Variants in ATRNL1 observed in about 807,000 individuals in gnomAD.
ATRNL1 encodes the protein attractin-like protein 1.
In ATRNL1, 95 loss-of-function variants were observed where a neutral mutation model predicts 182.7. That is an observed-to-expected ratio of 0.52 (90% CI 0.44 to 0.62). The LOEUF (loss-of-function observed/expected upper bound fraction) is 0.62, where lower values mean the gene tolerates loss of function less well. Among genes scored for constraint, ATRNL1 ranks in the 20% least tolerant of loss-of-function variants. ATRNL1 has a pLI of 0.00. For synonymous variants in ATRNL1, 576 were observed against 568.3 expected, an observed-to-expected ratio of 1.01 and a Z score of -0.19; for missense variants, 1,471 against 1,679.5, an observed-to-expected ratio of 0.88 and a Z score of 2.17.
chr10:115,275,353 G>A (rs1852057416), intron 13 of ATRNL1, among the ~76,000 whole-genome samples: 1 of 152,262 alleles, frequency 6.6e-6, no homozygotes, highest in Non-Finnish European at 1.5e-5. Context: ...TGGAATTAAT[G>A]TCAGTTTAGA....
chr10:115,558,452 C>T (rs1197223094), intron 26 of ATRNL1, among the ~76,000 whole-genome samples: 2 of 152,148 alleles, frequency 1.3e-5, no homozygotes, highest in African/African-American at 4.8e-5. Context: ...AGGGATGGTC[C>T]CTGCTCGGCC....
chr10:115,516,609 A>G (rs1850652260), intron 24 of ATRNL1, among the ~76,000 whole-genome samples: 1 of 151,838 alleles, frequency 6.6e-6, no homozygotes. Context: ...CTTATAATAT[A>G]TTCCGAACTC....
intron 21 of ATRNL1, among the ~76,000 whole-genome samples, chr10:115,446,943 A>G (rs1229037850): frequency 1.3e-5 from 2 of 151,976 alleles, no homozygotes; most frequent in African/African-American, 2.4e-5. Context: ...AAGCAGATAC[A>G]TATATCATTT....
At chr10:115,498,003 A>T (rs113899383) in intron 24 of ATRNL1, among the ~76,000 whole-genome samples, 4,959 of 152,256 alleles carry the variant, frequency 0.033, 208 homozygotes, top group East Asian at 0.14. Context: ...TCTATGAGTG[A>T]GTGAAAACTC....
chr10:115,536,320 C>T (rs1475230652), intron 25 of ATRNL1, among the ~76,000 whole-genome samples: 8 of 152,152 alleles, frequency 5.3e-5, no homozygotes, highest in South Asian at 2.1e-4. Context: ...CAATGGCGGG[C>T]GCCCCTCCCC....
At chr10:115,813,935 A>T (rs1950106361) in intron 27 of ATRNL1, among the ~76,000 whole-genome samples, 1 of 152,190 alleles carries the variant, frequency 6.6e-6, no homozygotes, top group African/African-American at 2.4e-5. Flanking sequence ...ACAACCAAGT[A>T]CACTCTGAAA....
intron 28 of ATRNL1, among the ~76,000 whole-genome samples, chr10:115,939,828 C>T (rs1953672084): frequency 6.6e-6 from 1 of 152,146 alleles, no homozygotes; most frequent in African/African-American, 2.4e-5. Context: ...AGTGCGGGAT[C>T]ATCCCCAGAA....
intron 26 of ATRNL1, among the ~76,000 whole-genome samples, chr10:115,649,803 G>A (rs1411838022): frequency 6.6e-6 from 1 of 152,110 alleles, no homozygotes; most frequent in African/African-American, 2.4e-5. Context: ...TTTAAAATTT[G>A]TGCAGATTAA....
At chr10:115,622,531 G>A (rs1857834419) in intron 26 of ATRNL1, among the ~76,000 whole-genome samples, 2 of 152,118 alleles carry the variant, frequency 1.3e-5, no homozygotes, top group South Asian at 4.1e-4. Context: ...ATGTTTTGTT[G>A]GGGTTTGATG....
chr10:115,151,550 C>G (rs1410357581), intron 5 of ATRNL1, among the ~76,000 whole-genome samples: 1 of 152,172 alleles, frequency 6.6e-6, no homozygotes, highest in African/African-American at 2.4e-5. Flanking sequence ...ATATCCTTCG[C>G]CCACTTTTTG....
chr10:115,737,280 C>CCA (rs1555066202), intron 27 of ATRNL1, among the ~76,000 whole-genome samples: 32 of 147,882 alleles, frequency 2.2e-4, no homozygotes, highest in African/African-American at 7.8e-4. Context: ...CCCCCCCCCC[C>CCA]AAAAAAAAAG....
Position 115,671,115 on chromosome 10 carries a change from G to A in ATRNL1, c.3796-56133G>A, listed in dbSNP as rs540818564. On this transcript the variant is annotated intron_variant, in intron 26 of 28. Transcript: ENST00000355044. ...AGCCAAGTGTCAGAAGGACTGTGTG[G>A]TCGTGAAACACAGGCTGCATTTGGC... Among the ~76,000 whole-genome samples, 4 of 152,230 alleles carry A rather than the reference G, an allele frequency of 2.6e-5. No homozygotes were observed. The South Asian group carries it at 6.2e-4, about 24-fold the overall frequency.
At chr10:115,641,734 G>A (rs958438855) in intron 26 of ATRNL1, among the ~76,000 whole-genome samples, 7 of 151,940 alleles carry the variant, frequency 4.6e-5, no homozygotes, top group African/African-American at 1.7e-4. Context: ...ACTGTAAGAT[G>A]AGCTAATGCA....
intron 27 of ATRNL1, among the ~76,000 whole-genome samples, chr10:115,785,804 A>G (rs1263858201): frequency 6.6e-6 from 1 of 152,178 alleles, no homozygotes; most frequent in Middle Eastern, 3.2e-3. Flanking sequence ...AAGCAGTAAG[A>G]AGAAAGCAGG....
At chr10:115,168,926 T>G (rs1554884901) in intron 7 of ATRNL1, among the ~76,000 whole-genome samples, 1 of 151,812 alleles carries the variant, frequency 6.6e-6, no homozygotes, top group African/African-American at 2.4e-5. Flanking sequence ...TTTTTTTCTT[T>G]TAAGAGTTTT....
At chr10:115,569,657 ATTGTTAATCT>A (rs1854275199) in intron 26 of ATRNL1, among the ~76,000 whole-genome samples, 1 of 152,044 alleles carries the variant, frequency 6.6e-6, no homozygotes, top group African/African-American at 2.4e-5. Context: ...TTTCAATTAG[ATTGTTAATCT>A]TTTTATTCTT....
At chr10:115,740,976 G>A (rs547959655) in intron 27 of ATRNL1, among the ~76,000 whole-genome samples, 8 of 152,084 alleles carry the variant, frequency 5.3e-5, no homozygotes, top group African/African-American at 1.9e-4. Flanking sequence ...GAAAATAAAA[G>A]TAATAACAGC....
At chr10:115,903,839 A>G (rs1252679675) in intron 28 of ATRNL1, among the ~76,000 whole-genome samples, 1 of 152,126 alleles carries the variant, frequency 6.6e-6, no homozygotes, top group African/African-American at 2.4e-5. Context: ...TGGCAAGGAG[A>G]TCCCATAAGC....
chr10:115,486,735 CTTTAG>C (rs1473695237), intron 24 of ATRNL1, among the ~76,000 whole-genome samples: 6 of 152,034 alleles, frequency 3.9e-5, no homozygotes, highest in African/African-American at 1.4e-4. Flanking sequence ...TGCAGAAGCT[CTTTAG>C]TTTAGTTTCC....
Sources: allele counts gnomAD v4.1 joint callset (sites outside exome capture counted in the v4.1 genomes callset), GRCh38; gene constraint gnomAD v4.1.1; transcripts MANE v1.5; gene names NCBI Gene and HGNC (gene_info 2026-07-23, HGNC 2026-07-21).